The following KCNIP4 variants were observed in gnomAD, a reference collection of about 807,000 sequenced individuals.
The protein encoded by KCNIP4 is potassium voltage-gated channel interacting protein 4, also known as Kv channel-interacting protein 4.
KCNIP4 carries 12 observed loss-of-function variants against 34.0 expected under a neutral mutation model. The observed-to-expected ratio is 0.35, with a 90% CI of 0.23 to 0.57. The LOEUF is 0.57. KCNIP4 is among the 20% of genes least tolerant of loss of function. The pLI is 0.83. For missense variants in KCNIP4, 238 were observed against 311.7 expected (o/e 0.76, Z 1.78); for synonymous variants, 124 against 102.2 (o/e 1.21, Z -1.29).
At chr4:21,865,597 G>A (rs1725367036) in intron 1 of KCNIP4, among the ~76,000 whole-genome samples, 1 of 152,068 alleles carries the variant, frequency 6.6e-6, no homozygotes, top group Non-Finnish European at 1.5e-5. Flanking sequence ...AGGCTGGAGT[G>A]CAATGGTGTG....
intron 8 of KCNIP4, 101 bp from the exon 9 acceptor site, chr4:20,730,230 C>T: frequency 7.3e-7 from 1 of 1,371,980 alleles, no homozygotes; most frequent in Admixed American, 2.6e-5. Flanking sequence ...ACCACCTCAA[C>T]CACCTATGCC....
At chr4:21,366,930 G>C (rs982840032) in intron 1 of KCNIP4, among the ~76,000 whole-genome samples, 3 of 151,714 alleles carry the variant, frequency 2.0e-5, no homozygotes, top group Non-Finnish European at 4.4e-5. Context: ...CAATGTGTTA[G>C]TATTAAGAGC....
chr4:21,252,648 C>T (rs369567492), intron 1 of KCNIP4, among the ~76,000 whole-genome samples: 5 of 152,120 alleles, frequency 3.3e-5, no homozygotes, highest in Admixed American at 6.5e-5. Context: ...AAAAATTTCC[C>T]CATGCTGTCA....
intron 1 of KCNIP4, among the ~76,000 whole-genome samples, chr4:21,227,981 T>A (rs1758527001): frequency 6.6e-6 from 1 of 152,200 alleles, no homozygotes; most frequent in South Asian, 2.1e-4. Flanking sequence ...ACAGTGATAC[T>A]TTTGTAAAAT....
chr4:20,997,142 C>T (rs1415134625), intron 1 of KCNIP4, among the ~76,000 whole-genome samples: 1 of 152,122 alleles, frequency 6.6e-6, no homozygotes, highest in Non-Finnish European at 1.5e-5. Flanking sequence ...TCATTTCAGG[C>T]AGTTGACAGG....
At chr4:21,192,634 CA>C (rs1420578223) in intron 1 of KCNIP4, among the ~76,000 whole-genome samples, 2 of 151,960 alleles carry the variant, frequency 1.3e-5, no homozygotes, top group Non-Finnish European at 2.9e-5. Flanking sequence ...AGTTCCATAA[CA>C]AAATTTTCCC....
At chr4:21,112,606 A>G (rs1749316737) in intron 1 of KCNIP4, among the ~76,000 whole-genome samples, 1 of 152,190 alleles carries the variant, frequency 6.6e-6, no homozygotes, top group Non-Finnish European at 1.5e-5. Flanking sequence ...CTTGATACTG[A>G]CTGTCTACTG....
intron 1 of KCNIP4, among the ~76,000 whole-genome samples, chr4:21,396,072 A>G (rs182370409): frequency 4.6e-5 from 7 of 151,228 alleles, no homozygotes; most frequent in Non-Finnish European, 7.4e-5. Context: ...TATAGTCTAT[A>G]TATACATATA....
rs554352029 is a variant in KCNIP4 at position 20,823,615 on chromosome 4, C to A, written c.288+26928G>T. 3.6e-4 allele frequency among the ~76,000 whole-genome samples: 55 copies of A among 152,246 alleles called. No homozygotes were observed. In the South Asian group the frequency reaches 0.01, roughly 29 times the overall value. ...CACCACATGAGGCTACAAGGAGAAG[C>A]AAACAATCTGAACCAGGAAGCAGGT... On this transcript the variant is annotated intron_variant, in intron 3 of 8. Coordinates refer to ENST00000382152, the MANE Select transcript of KCNIP4 (RefSeq NM_025221.6).
chr4:21,608,815 G>A (rs540707747), intron 1 of KCNIP4: 3 of 152,280 alleles, frequency 2.0e-5, no homozygotes, highest in African/African-American at 4.8e-5. Flanking sequence ...CACAGACTCC[G>A]AGTTCTCAAA....
At chr4:21,771,231 G>A (rs1200718404) in intron 1 of KCNIP4, among the ~76,000 whole-genome samples, 1 of 152,152 alleles carries the variant, frequency 6.6e-6, no homozygotes, top group African/African-American at 2.4e-5. Context: ...TGTCACGTTT[G>A]TTGAAGATCA....
chr4:20,868,847 T>C (rs566201004), intron 2 of KCNIP4, among the ~76,000 whole-genome samples: 2 of 152,150 alleles, frequency 1.3e-5, no homozygotes, highest in Admixed American at 1.3e-4. Context: ...AGGCGGGACA[T>C]TGAAAAACTA....
intron 3 of KCNIP4, among the ~76,000 whole-genome samples, chr4:20,815,717 T>C (rs913555652): frequency 6.6e-6 from 1 of 152,212 alleles, no homozygotes; most frequent in Non-Finnish European, 1.5e-5. Flanking sequence ...CAGTGGAAGA[T>C]ATATATTATC....
At chr4:20,972,806 A>C (rs1404220053) in intron 1 of KCNIP4, among the ~76,000 whole-genome samples, 1 of 152,226 alleles carries the variant, frequency 6.6e-6, no homozygotes, top group African/African-American at 2.4e-5. Context: ...TTCAACTCTC[A>C]TGAATGATTT....
chr4:20,756,392 A>G (rs1164100615), intron 4 of KCNIP4, among the ~76,000 whole-genome samples: 3 of 151,914 alleles, frequency 2.0e-5, no homozygotes, highest in East Asian at 1.9e-4. Context: ...TCTGAATCCT[A>G]TTTATCTCTT....
intron 1 of KCNIP4, among the ~76,000 whole-genome samples, chr4:21,768,235 A>T (rs770008350): frequency 6.6e-6 from 1 of 152,120 alleles, no homozygotes; most frequent in Non-Finnish European, 1.5e-5. Context: ...GCATCTTAAC[A>T]CAAAAATCAT....
chr4:21,075,970 C>T (rs1745452354), intron 1 of KCNIP4, among the ~76,000 whole-genome samples: 1 of 152,184 alleles, frequency 6.6e-6, no homozygotes, highest in South Asian at 2.1e-4. Flanking sequence ...CTGGCCCCCA[C>T]TCTCTTCTGG....
rs190394776 is a variant in KCNIP4 at position 20,967,129 on chromosome 4, C to A, written c.62-84420G>T. On this transcript the variant is annotated intron_variant, in intron 1 of 8. Coordinates refer to ENST00000382152, the MANE Select transcript of KCNIP4 (RefSeq NM_025221.6). ...GGGCAACTCATTACTTTATCATGACCTATATCTTAGGGAAGTTTGAATGAG... is the reference window on the plus strand; with the variant it reads ...GGGCAACTCATTACTTTATCATGACATATATCTTAGGGAAGTTTGAATGAG... Among the ~76,000 whole-genome samples, 409 of 152,254 alleles carry A rather than the reference C, an allele frequency of 2.7e-3. 1 individual carries two copies. The highest frequency in any genetic ancestry group is 9.1e-3 in the African/African-American group (377 of 41,546).
At chr4:21,442,235 A>G (rs957470700) in intron 1 of KCNIP4, among the ~76,000 whole-genome samples, 12 of 151,536 alleles carry the variant, frequency 7.9e-5, no homozygotes, top group African/African-American at 2.9e-4. Flanking sequence ...CGCCAGGAGG[A>G]AAAAAAAAGT....
Sources: allele counts gnomAD v4.1 joint callset (sites outside exome capture counted in the v4.1 genomes callset), GRCh38; gene constraint gnomAD v4.1.1; transcripts MANE v1.5; gene names NCBI Gene and HGNC (gene_info 2026-07-23, HGNC 2026-07-21).